Variants in RABGAP1L observed in about 807,000 individuals in gnomAD.
RABGAP1L encodes rab GTPase-activating protein 1-like.
In RABGAP1L, 63 loss-of-function variants were observed where a neutral mutation model predicts 137.7. That is an observed-to-expected ratio of 0.46 (90% CI 0.37 to 0.56). RABGAP1L has a LOEUF of 0.56. Among genes scored for constraint, RABGAP1L ranks in the 20% least tolerant of loss-of-function variants. The pLI is 0.00. For synonymous variants in RABGAP1L, 431 were observed against 433.7 expected, an observed-to-expected ratio of 0.99 and a Z score of 0.08; for missense variants, 1,095 against 1,244.0, an observed-to-expected ratio of 0.88 and a Z score of 1.80.
intron 18 of RABGAP1L, among the ~76,000 whole-genome samples, chr1:174,768,754 C>T (rs560000529): frequency 3.3e-4 from 50 of 152,308 alleles, no homozygotes; most frequent in Non-Finnish European, 6.3e-4. Context: ...CCTTTCATTC[C>T]TGCTCTAAAA....
intron 13 of RABGAP1L, among the ~76,000 whole-genome samples, chr1:174,462,727 T>C (rs1345976009): frequency 6.6e-6 from 1 of 152,176 alleles, no homozygotes; most frequent in Non-Finnish European, 1.5e-5. Flanking sequence ...TGTTCCAATC[T>C]TTATATTCAC....
chr1:174,516,516 G>A (rs531361304), intron 13 of RABGAP1L, among the ~76,000 whole-genome samples: 86 of 152,018 alleles, frequency 5.7e-4, no homozygotes, highest in South Asian at 2.7e-3. Flanking sequence ...ACCATGTCTG[G>A]CCCTGTCTTT....
intron 13 of RABGAP1L, among the ~76,000 whole-genome samples, chr1:174,632,382 C>T (rs930952490): frequency 1.6e-4 from 23 of 147,234 alleles, no homozygotes; most frequent in African/African-American, 5.7e-4. Context: ...TGGAGTTGCT[C>T]TTCTCGAGGA....
intron 15 of RABGAP1L, among the ~76,000 whole-genome samples, chr1:174,698,243 G>C (rs751260222): frequency 1.3e-5 from 2 of 152,152 alleles, no homozygotes; most frequent in Non-Finnish European, 2.9e-5. Flanking sequence ...GTAATTTCTA[G>C]AATATTAGAT....
At chr1:174,684,019 G>A (rs1244323776) in intron 15 of RABGAP1L, among the ~76,000 whole-genome samples, 1 of 152,112 alleles carries the variant, frequency 6.6e-6, no homozygotes, top group East Asian at 1.9e-4. Flanking sequence ...CAATTTTCAG[G>A]TACTGGGCTA....
At chr1:174,801,704 A>G (rs983519950) in intron 18 of RABGAP1L, among the ~76,000 whole-genome samples, 1 of 152,222 alleles carries the variant, frequency 6.6e-6, no homozygotes, top group Non-Finnish European at 1.5e-5. Flanking sequence ...AGGTGAAGTC[A>G]TTACTTCCCT....
At chr1:174,547,917 A>G (rs1482042788) in intron 13 of RABGAP1L, 1 of 1,550,170 alleles carries the variant, frequency 6.5e-7, no homozygotes, top group South Asian at 1.2e-5. Context: ...TCTCCATGAC[A>G]CCCTGTAACC....
rs6666728 is a variant in RABGAP1L, at chr1:174,693,094, T to C, written c.1900-6431T>C. Among the ~76,000 whole-genome samples the C allele has an allele frequency of 9.5e-3, 1,446 of 152,328 alleles. 24 individuals carry two copies. Among genetic ancestry groups the C allele is most frequent in the African/African-American group, 0.033 (1,386 of 41,578 alleles). Reference sequence around the variant, plus strand: ...TATAGGTTCTTGTAGATTATACCTTTATACAAAAGAAAAGTGATAGATTCT... The same window carrying C: ...TATAGGTTCTTGTAGATTATACCTTCATACAAAAGAAAAGTGATAGATTCT... On this transcript the variant is annotated intron_variant, in intron 15 of 25. Coordinates refer to ENST00000681986, the MANE Select transcript of RABGAP1L (RefSeq NM_001366446.1).
intron 14 of RABGAP1L, among the ~76,000 whole-genome samples, chr1:174,676,892 T>A (rs1445978718): frequency 1.3e-5 from 2 of 152,192 alleles, no homozygotes; most frequent in Non-Finnish European, 1.5e-5. Flanking sequence ...TTCAAAAAAT[T>A]TATGATAGCT....
intron 19 of RABGAP1L, among the ~76,000 whole-genome samples, chr1:174,938,780 C>G (rs994259363): frequency 6.6e-6 from 1 of 152,192 alleles, no homozygotes; most frequent in Non-Finnish European, 1.5e-5. Flanking sequence ...TGCCAGAGGT[C>G]TTTCAACTCC....
intron 11 of RABGAP1L, among the ~76,000 whole-genome samples, chr1:174,334,765 T>A (rs1681328246): frequency 6.6e-6 from 1 of 152,164 alleles, no homozygotes; most frequent in South Asian, 2.1e-4. Flanking sequence ...CAGTAAATAG[T>A]ATGAATAATA....
intron 3 of RABGAP1L, among the ~76,000 whole-genome samples, chr1:174,230,670 A>G (rs991353527): frequency 1.3e-5 from 2 of 152,180 alleles, no homozygotes; most frequent in African/African-American, 4.8e-5. Flanking sequence ...GGAACCTGGC[A>G]TATGGATAAG....
At chr1:174,557,368 TTAGGTAGCA>T (rs1666945723) in intron 13 of RABGAP1L, among the ~76,000 whole-genome samples, 1 of 152,220 alleles carries the variant, frequency 6.6e-6, no homozygotes, top group Admixed American at 6.5e-5. Flanking sequence ...TATCTCTTGC[TTAGGTAGCA>T]TTTCTGGCCT....
rs559120181 is a variant in RABGAP1L, at chr1:174,721,697, G to A, written c.2169+19441G>A. 3.3e-5 allele frequency among the ~76,000 whole-genome samples: 5 copies of A among 152,276 alleles called. No individual in the cohort carries two copies. In the South Asian group the frequency reaches 8.3e-4, roughly 25 times the overall value. ...TTTAGAGTTAGCAGTTACCAAATAG[G>A]GGAATGAAGGTAGATCTGCAATTTC... is the stretch of plus-strand genomic sequence containing the variant. On this transcript the variant is annotated intron_variant, in intron 17 of 25. Transcript: ENST00000681986.
chr1:174,827,873 T>G (rs1222150647), intron 19 of RABGAP1L, among the ~76,000 whole-genome samples: 1 of 148,146 alleles, frequency 6.8e-6, no homozygotes, highest in African/African-American at 2.5e-5. Context: ...ATAACCTGCC[T>G]TATTCCTCTC....
chr1:174,778,271 A>C (rs1686692367), intron 18 of RABGAP1L, among the ~76,000 whole-genome samples: 1 of 152,242 alleles, frequency 6.6e-6, no homozygotes, highest in African/African-American at 2.4e-5. Context: ...TGTTAAAAAT[A>C]CTAAGCAAAA....
At chr1:174,737,066 CT>C (rs1203201040) in intron 17 of RABGAP1L, among the ~76,000 whole-genome samples, 1 of 152,198 alleles carries the variant, frequency 6.6e-6, no homozygotes, top group Non-Finnish European at 1.5e-5. Context: ...ATGCTACTCT[CT>C]TTAGCAAGTA....
At chr1:174,485,459 A>G (rs1408818230) in intron 13 of RABGAP1L, among the ~76,000 whole-genome samples, 6 of 152,138 alleles carry the variant, frequency 3.9e-5, no homozygotes, top group African/African-American at 1.2e-4. Context: ...AGTTCAGTAT[A>G]ATACTAGTTG....
intron 19 of RABGAP1L, among the ~76,000 whole-genome samples, chr1:174,839,350 C>T (rs1420172085): frequency 6.6e-6 from 1 of 152,154 alleles, no homozygotes; most frequent in Non-Finnish European, 1.5e-5. Context: ...CATCCACACA[C>T]AGATACTTGA....
Sources: gnomAD v4.1 joint callset for allele counts (sites outside exome capture counted in the v4.1 genomes callset) on GRCh38, gnomAD v4.1.1 for gene constraint, MANE v1.5 for transcripts, NCBI Gene and HGNC (gene_info 2026-07-23, HGNC 2026-07-21) for gene names.